DSCAM: variants seen among roughly 807,000 people sequenced by gnomAD.
The protein encoded by DSCAM is DS cell adhesion molecule.
Under a neutral mutation model 217.7 loss-of-function variants are expected in DSCAM, and 47 were observed. The ratio of observed to expected loss-of-function variants is 0.22; its 90% CI spans 0.17 to 0.28. DSCAM has a LOEUF of 0.28. DSCAM is among the 10% of genes least tolerant of loss of function. The probability of loss-of-function intolerance (pLI) is 1.00; values close to 1 mark genes in which losing one functional copy is unlikely to be tolerated. For synonymous variants in DSCAM, 1,056 were observed against 1,015.3 expected, an observed-to-expected ratio of 1.04 and a Z score of -0.76; for missense variants, 2,080 against 2,618.3, an observed-to-expected ratio of 0.79 and a Z score of 4.49.
intron 11 of DSCAM, among the ~76,000 whole-genome samples, chr21:40,226,569 G>A (rs951494274): frequency 6.6e-6 from 1 of 152,104 alleles, no homozygotes; most frequent in African/African-American, 2.4e-5. Context: ...GCAACAAAAT[G>A]TCCCAAACCC....
At chr21:40,172,541 C>A (rs139381989) in intron 15 of DSCAM, among the ~76,000 whole-genome samples, 77 of 152,340 alleles carry the variant, frequency 5.1e-4, no homozygotes, top group Admixed American at 1.9e-3. Context: ...GCTGGACAAC[C>A]TCCCACTGCC....
intron 3 of DSCAM, among the ~76,000 whole-genome samples, chr21:40,450,083 T>C (rs1032044420): frequency 2.0e-5 from 3 of 152,170 alleles, no homozygotes; most frequent in African/African-American, 7.2e-5. Context: ...TAAATGTCAA[T>C]ATGCAGTGAA....
chr21:40,417,536 G>A (rs1471981787), intron 3 of DSCAM, among the ~76,000 whole-genome samples: 4 of 143,318 alleles, frequency 2.8e-5, no homozygotes, highest in African/African-American at 5.2e-5. Context: ...GTGTAATATT[G>A]CATTTGATAT....
intron 1 of DSCAM, among the ~76,000 whole-genome samples, chr21:40,825,163 C>T (rs886924557): frequency 8.5e-5 from 13 of 152,114 alleles, no homozygotes; most frequent in African/African-American, 3.1e-4. Context: ...CGTGTCAGTC[C>T]TTGTTCTAAG....
At chr21:40,516,908 C>T (rs1039449537) in intron 3 of DSCAM, among the ~76,000 whole-genome samples, 65 of 134,060 alleles carry the variant, frequency 4.8e-4, no homozygotes, top group East Asian at 1.4e-3. Context: ...TATATATATA[C>T]ACACACACAC....
At chr21:40,558,218 G>A (rs1037692229) in intron 3 of DSCAM, among the ~76,000 whole-genome samples, 6 of 152,076 alleles carry the variant, frequency 3.9e-5, no homozygotes, top group Non-Finnish European at 8.8e-5. Context: ...AGGCCGAGAT[G>A]GGCAGATTAC....
intron 14 of DSCAM, among the ~76,000 whole-genome samples, chr21:40,179,390 C>T (rs76162130): frequency 0.029 from 4,360 of 152,082 alleles, 195 homozygotes; most frequent in African/African-American, 0.092. Context: ...ACAGATCAGC[C>T]GACTGGGGGA....
intron 1 of DSCAM, among the ~76,000 whole-genome samples, chr21:40,713,913 C>T (rs184319379): frequency 2.8e-4 from 43 of 152,238 alleles, no homozygotes; most frequent in Middle Eastern, 6.8e-3. Context: ...CAAGCTGTCT[C>T]GGGACCTATC....
chr21:40,662,008 T>C (rs2090143353), intron 3 of DSCAM, among the ~76,000 whole-genome samples: 1 of 152,260 alleles, frequency 6.6e-6, no homozygotes, highest in African/African-American at 2.4e-5. Flanking sequence ...ATTGAACACA[T>C]AGGGTTAGAG....
intron 3 of DSCAM, among the ~76,000 whole-genome samples, chr21:40,413,897 A>T (rs551223067): frequency 6.6e-6 from 1 of 152,348 alleles, no homozygotes; most frequent in African/African-American, 2.4e-5. Flanking sequence ...GTGAACATAC[A>T]TAGGGGAAAA....
intron 3 of DSCAM, among the ~76,000 whole-genome samples, chr21:40,685,397 T>G (rs988639178): frequency 7.2e-5 from 11 of 152,322 alleles, no homozygotes; most frequent in Non-Finnish European, 5.9e-5. Context: ...GATGAGCACC[T>G]GCCTTCCTTG....
At chr21:40,721,301 T>C (rs1194744000) in intron 1 of DSCAM, among the ~76,000 whole-genome samples, 1 of 152,168 alleles carries the variant, frequency 6.6e-6, no homozygotes, top group Non-Finnish European at 1.5e-5. Flanking sequence ...AAGGGAAATA[T>C]GGCATATTAT....
At chr21:40,109,309 TAAAC>T in intron 20 of DSCAM, among the ~76,000 whole-genome samples, 1 of 151,702 alleles carries the variant, frequency 6.6e-6, no homozygotes, top group South Asian at 2.1e-4. Context: ...AAGAAAAAAA[TAAAC>T]AATCCGATAA....
intron 5 of DSCAM, among the ~76,000 whole-genome samples, chr21:40,351,919 T>C (rs1395456700): frequency 6.6e-6 from 1 of 152,132 alleles, no homozygotes; most frequent in Admixed American, 6.5e-5. Flanking sequence ...GGAAATAATC[T>C]TCCATGTGGA....
At chr21:40,127,751 G>T (rs2090110740) in intron 19 of DSCAM, among the ~76,000 whole-genome samples, 1 of 152,162 alleles carries the variant, frequency 6.6e-6, no homozygotes, top group Non-Finnish European at 1.5e-5. Flanking sequence ...GCAAGAACCA[G>T]GACCTGGAAT....
intron 14 of DSCAM, among the ~76,000 whole-genome samples, chr21:40,183,883 T>G (rs1042243954): frequency 5.9e-5 from 9 of 152,212 alleles, no homozygotes; most frequent in Non-Finnish European, 1.2e-4. Flanking sequence ...CACCGTTGCC[T>G]AAAACAGATG....
At chr21:40,507,776 A>G (rs117137600) in intron 3 of DSCAM, among the ~76,000 whole-genome samples, 1,657 of 152,262 alleles carry the variant, frequency 0.011, 12 homozygotes, top group Non-Finnish European at 0.017. Flanking sequence ...GAGCACAGCA[A>G]GACTCTGTCT....
intron 1 of DSCAM, among the ~76,000 whole-genome samples, chr21:40,715,177 G>C (rs1402512752): frequency 1.3e-5 from 2 of 152,166 alleles, no homozygotes; most frequent in African/African-American, 4.8e-5. Context: ...AACAATTCAC[G>C]AAAGTTTCAC....
intron 3 of DSCAM, among the ~76,000 whole-genome samples, chr21:40,553,422 C>G (rs940150695): frequency 1.3e-5 from 2 of 152,134 alleles, no homozygotes; most frequent in Non-Finnish European, 2.9e-5. Context: ...GGAAATCCAC[C>G]AGGATTCCCC....
Sources: allele counts gnomAD v4.1 joint callset (sites outside exome capture counted in the v4.1 genomes callset), GRCh38; gene constraint gnomAD v4.1.1; transcripts MANE v1.5; gene names NCBI Gene and HGNC (gene_info 2026-07-23, HGNC 2026-07-21).